Variants in BRWD1 observed in about 807,000 individuals in gnomAD.
BRWD1 encodes the protein bromodomain and WD repeat domain containing 1, also known as bromodomain and WD repeat-containing protein 1.
Under a neutral mutation model 251.2 loss-of-function variants are expected in BRWD1, and 82 were observed. The observed-to-expected ratio is 0.33, with a 90% CI of 0.27 to 0.39. BRWD1 has a LOEUF of 0.39. Ranked by LOEUF, BRWD1 falls within the 10% of genes least tolerant of loss-of-function variation. The pLI is 1.00. For missense variants in BRWD1, 2,233 were observed against 2,711.6 expected (o/e 0.82, Z 3.92); for synonymous variants, 918 against 902.8 (o/e 1.02, Z -0.30).
chr21:39,208,409 G>T (rs1055323128), intron 36 of BRWD1, among the ~76,000 whole-genome samples: 2 of 152,230 alleles, frequency 1.3e-5, no homozygotes, highest in Non-Finnish European at 2.9e-5. Context: ...ATTGAGACCA[G>T]AGGCAGTAAT....
At chr21:39,241,382 C>T (rs1458510497) in intron 21 of BRWD1, among the ~76,000 whole-genome samples, 3 of 139,506 alleles carry the variant, frequency 2.2e-5, no homozygotes, top group Non-Finnish European at 3.0e-5. Flanking sequence ...GCAGGAGAAT[C>T]GCTTGAACCC....
chr21:39,195,873 A>G lies in BRWD1; in HGVS notation c.*386T>C. 3.0e-6 allele frequency: 3 copies of G among 997,542 alleles called. No individual in the cohort carries two copies. In the South Asian group the frequency reaches 1.4e-4, roughly 45 times the overall value. The allele number at this position is 997,542 out of a possible 1,614,324, so 61.8% of individuals were successfully genotyped here. On this transcript the variant is annotated 3_prime_UTR_variant, in exon 41 of 41. Transcript: ENST00000342449. ...GTGAAATTGTTGTAACTACTATAGA[A>G]CAGGGGTTAGAAACTACTGCCTCTT...
chr21:39,269,519 TTAA>T (rs2035035476), intron 15 of BRWD1, among the ~76,000 whole-genome samples: 1 of 152,138 alleles, frequency 6.6e-6, no homozygotes, highest in Non-Finnish European at 1.5e-5. Flanking sequence ...ATATTGAATA[TTAA>T]TAATGTCATT....
At position 39,277,343 on chromosome 21, in the gene BRWD1, A is replaced by C. The variant is rs2035310122; in HGVS notation, c.1012T>G (p.Phe338Val). 1.3e-6 allele frequency: 2 copies of C among 1,582,452 alleles called. No homozygotes were observed. Among genetic ancestry groups the C allele is most frequent in the Non-Finnish European group, 8.6e-7 (1 of 1,163,008 alleles). ...TGATCAGTACTACCTGTGGCTAAAA[A>C]CATACCACCTGAAATAAAAATGGTA... ...LCSSFSVGGM[F>V]LATGSTDHVI... The change falls in exon 11 of 41, where the codon TTT becomes GTT. Residue 338 changes from phenylalanine to valine, a missense_variant. This residue lies in a region of BRWD1 where 315 missense variants were observed against 421.8 expected (regional missense o/e 0.75). Coordinates refer to ENST00000342449, the MANE Select transcript of BRWD1 (RefSeq NM_033656.4).
chr21:39,199,020 C>T lies in BRWD1; in HGVS notation c.5396G>A (p.Gly1799Asp). The T allele has an allele frequency of 6.2e-7, 1 of 1,614,144 alleles. No individual in the cohort carries two copies. The highest frequency in any genetic ancestry group is 8.5e-7 in the Non-Finnish European group (1 of 1,180,034). Residue 1799 changes from glycine (G) to aspartate (D), a missense_variant, in exon 40 of 41, where the codon GGT becomes GAT. Physicochemically the swap from Gly to Asp is moderately conservative, Grantham distance 94. Coordinates refer to ENST00000342449, the MANE Select transcript of BRWD1 (RefSeq NM_033656.4). ...GTGAAATGTATTGTATTTCCTACCACCAGATCTTCCTGGTTCAGAATCTGC... is the reference window on the plus strand; with the variant it reads ...GTGAAATGTATTGTATTTCCTACCATCAGATCTTCCTGGTTCAGAATCTGC... Reference protein sequence around the residue: ...EEADSEPGRSGGRKYNTFHKN... With the variant: ...EEADSEPGRSDGRKYNTFHKN...
chr21:39,287,906 T>C (rs974681516), intron 8 of BRWD1, among the ~76,000 whole-genome samples: 26 of 152,198 alleles, frequency 1.7e-4, no homozygotes, highest in African/African-American at 6.0e-4. Context: ...TATACTGCTA[T>C]GAAACAACTT....
chr21:39,200,178 T>C (rs758814449), intron 39 of BRWD1, 41 bp downstream of exon 39: 10 of 1,544,464 alleles, frequency 6.5e-6, no homozygotes, highest in Non-Finnish European at 7.0e-6. Context: ...TTTTGGATTC[T>C]TTTGATATAC....
At chr21:39,298,830 T>C (rs1015538189) in intron 4 of BRWD1, among the ~76,000 whole-genome samples, 2 of 152,124 alleles carry the variant, frequency 1.3e-5, no homozygotes, top group Non-Finnish European at 2.9e-5. Flanking sequence ...TTCTAAAATT[T>C]ATATGCAAAT....
chr21:39,222,640 T>G (rs2033223197), intron 29 of BRWD1, among the ~76,000 whole-genome samples: 1 of 152,076 alleles, frequency 6.6e-6, no homozygotes, highest in Admixed American at 6.5e-5. Context: ...CATACTAATA[T>G]AAATAAATGG....
chr21:39,231,230 C>T (rs1252703320), intron 25 of BRWD1, among the ~76,000 whole-genome samples: 1 of 152,170 alleles, frequency 6.6e-6, no homozygotes, highest in African/African-American at 2.4e-5. Context: ...CCCCACAGAT[C>T]ATCACCATTG....
At chr21:39,253,953 G>A (rs2034480280) in intron 19 of BRWD1, among the ~76,000 whole-genome samples, 1 of 152,092 alleles carries the variant, frequency 6.6e-6, no homozygotes, top group Admixed American at 6.5e-5. Flanking sequence ...TTAGCCAAAA[G>A]GCCAAGAAGC....
Position 39,195,364 on chromosome 21 carries a change from AAC to A in BRWD1, c.*893_*894del. ...TTTAGCCCTGTACACTCTATTAAAG[AAC>A]ACACTTCTAAATCTAAGGCACACGA... On this transcript the variant is annotated 3_prime_UTR_variant, in exon 41 of 41. Coordinates refer to ENST00000342449, the MANE Select transcript of BRWD1 (RefSeq NM_033656.4). The A allele has an allele frequency of 1.0e-6, 1 of 985,836 alleles. No individual in the cohort carries two copies. The highest frequency in any genetic ancestry group is 4.7e-5 in the South Asian group (1 of 21,328). The allele number at this position is 985,836 out of a possible 1,614,324, so 61.1% of individuals were successfully genotyped here.
chr21:39,221,855 G>C (rs1245040090), intron 29 of BRWD1, among the ~76,000 whole-genome samples: 1 of 151,168 alleles, frequency 6.6e-6, no homozygotes. Flanking sequence ...AGTGAGTCGC[G>C]ATTGCACCAC....
Position 39,210,020 on chromosome 21 carries a change from G to A in BRWD1, c.4172C>T (p.Ala1391Val), listed in dbSNP as rs763441567. 3 of 1,613,382 alleles carry A rather than the reference G, an allele frequency of 1.9e-6. No homozygotes were observed. The highest frequency in any genetic ancestry group is 1.1e-5 in the South Asian group (1 of 91,050). ...CTTTGATCTTTTGTTTGGTGTATAC[G>A]CTTTTGCATTGCTAAATATCAGCCG... ...DIRLIFSNAK[A>V]YTPNKRSKIY... The change falls in exon 36 of 41, where the codon GCG becomes GTG. Residue 1391 changes from alanine (A) to valine (V), a missense_variant. Ala to Val is a moderately conservative substitution (Grantham distance 64). Transcript: ENST00000342449.
rs542158489 is a variant in BRWD1 at position 39,207,607 on chromosome 21, A to G, written c.4198-1333T>C. Among the ~76,000 whole-genome samples the G allele has an allele frequency of 1.3e-5, 2 of 152,216 alleles. 1 individual carries two copies. Among genetic ancestry groups the G allele is most frequent in the South Asian group, 4.1e-4 (2 of 4,822 alleles). ...GAAAACAGTGTAGTGGTTCCTGGAAAAGGTAAACATGAATTATCCCATGAC... is the reference window on the plus strand; with the variant it reads ...GAAAACAGTGTAGTGGTTCCTGGAAGAGGTAAACATGAATTATCCCATGAC... On this transcript the variant is annotated intron_variant, in intron 36 of 40. Transcript: ENST00000342449.
intron 19 of BRWD1, among the ~76,000 whole-genome samples, chr21:39,254,800 A>G (rs193125351): frequency 7.9e-5 from 12 of 152,374 alleles, no homozygotes; most frequent in Admixed American, 5.9e-4. Flanking sequence ...AGCTGCTAAC[A>G]TCACAAAAAC....
intron 23 of BRWD1, among the ~76,000 whole-genome samples, chr21:39,233,457 A>G (rs1379032191): frequency 1.3e-5 from 2 of 150,784 alleles, no homozygotes; most frequent in African/African-American, 5.0e-5. Flanking sequence ...AGTGTACACA[A>G]ATAAATAGGG....
At position 39,218,229 on chromosome 21, in the gene BRWD1, G is replaced by A. The variant is rs1335037297; in HGVS notation, c.3582C>T (p.Tyr1194=). 7 of 1,612,012 alleles carry A rather than the reference G, an allele frequency of 4.3e-6. No homozygotes were observed. Among genetic ancestry groups the A allele is most frequent in the Non-Finnish European group, 5.9e-6 (7 of 1,179,406 alleles). ...AFAGPVDLCT[Y]PKYCTVVAYP... ...AAGCTACTACAGTACAGTACTTCGG[G>A]TATGTACACAAATCAACAGGGCCTG... The change falls in exon 31 of 41, where the codon TAC becomes TAT. Residue 1194 remains tyrosine (Y), a synonymous_variant. Transcript: ENST00000342449.
intron 8 of BRWD1, among the ~76,000 whole-genome samples, chr21:39,293,445 A>G (rs2035871842): frequency 6.6e-6 from 1 of 151,820 alleles, no homozygotes; most frequent in Non-Finnish European, 1.5e-5. Context: ...GCGAGCTGAG[A>G]TCACACCACT....
Sources: allele counts gnomAD v4.1 joint callset (sites outside exome capture counted in the v4.1 genomes callset), GRCh38; gene constraint gnomAD v4.1.1; regional missense constraint gnomAD v4.1.1; transcripts MANE v1.5; gene names NCBI Gene and HGNC (gene_info 2026-07-23, HGNC 2026-07-21).